Variants in RABL3 observed in about 807,000 individuals in gnomAD.
RABL3 encodes the protein rab-like protein 3.
A neutral mutation model predicts 31.8 loss-of-function variants in RABL3; 31 were observed. That is an observed-to-expected ratio of 0.97 (90% confidence interval 0.73 to 1.31). RABL3 has a LOEUF of 1.31. Among genes scored for constraint, RABL3 ranks in the 40% most tolerant of loss-of-function variants. RABL3 has a pLI of 0.00. For missense variants in RABL3, 263 were observed against 279.6 expected, an observed-to-expected ratio of 0.94 and a Z score of 0.42; for synonymous variants, 97 against 99.9, an observed-to-expected ratio of 0.97 and a Z score of 0.18.
At chr3:120,704,647 A>C (rs894343181) in intron 4 of RABL3, among the ~76,000 whole-genome samples, 3 of 152,238 alleles carry the variant, frequency 2.0e-5, no homozygotes, top group Admixed American at 1.3e-4. Flanking sequence ...AGAGCATCCT[A>C]AGGATTGTAC....
At chr3:120,705,051 AC>A (rs1274430952) in intron 4 of RABL3, among the ~76,000 whole-genome samples, 2 of 152,342 alleles carry the variant, frequency 1.3e-5, no homozygotes, top group Admixed American at 6.5e-5. Flanking sequence ...AAACAAAAAA[AC>A]AATTTACAAT....
At chr3:120,732,549 T>C (rs555066169) in intron 1 of RABL3, among the ~76,000 whole-genome samples, 1 of 152,010 alleles carries the variant, frequency 6.6e-6, no homozygotes, top group South Asian at 2.1e-4. Context: ...ATATGTTTTA[T>C]TTTATTTATT....
chr3:120,688,921 ATTG>A lies in RABL3; in HGVS notation c.*899_*901del, dbSNP rs1708347626. Reference sequence around the variant, plus strand: ...TATTTTTACTTCTCTCCATAAATACATTGTTGACACAGAATAATATTCTTAGTT... The same window carrying A: ...TATTTTTACTTCTCTCCATAAATACATTGACACAGAATAATATTCTTAGTT... On this transcript the variant is annotated 3_prime_UTR_variant, in exon 8 of 8. Coordinates refer to ENST00000273375, the MANE Select transcript of RABL3 (RefSeq NM_173825.5). The A allele has an allele frequency of 6.6e-6, 1 of 152,154 alleles. No individual in the cohort carries two copies. The highest frequency in any genetic ancestry group is 1.5e-5 in the Non-Finnish European group (1 of 68,030). 9.4% of individuals were successfully genotyped at this position (152,154 alleles called of 1,614,324 possible).
intron 1 of RABL3, among the ~76,000 whole-genome samples, 170 bp from the exon 2 acceptor site, chr3:120,730,957 G>A (rs1316294696): frequency 1.3e-5 from 2 of 152,198 alleles, no homozygotes; most frequent in Admixed American, 6.5e-5. Flanking sequence ...AGAGGGCAGC[G>A]GTTCTCTCAA....
intron 2 of RABL3, among the ~76,000 whole-genome samples, chr3:120,728,979 A>G (rs1708853161): frequency 6.6e-6 from 1 of 152,220 alleles, no homozygotes; most frequent in South Asian, 2.1e-4. Context: ...CCCATTCAGG[A>G]ATAGCAGACC....
chr3:120,690,333 G>A (rs561574435), intron 7 of RABL3, 116 bp downstream of exon 7: 2 of 699,218 alleles, frequency 2.9e-6, no homozygotes, highest in East Asian at 2.6e-5. Flanking sequence ...AAGGAAATCA[G>A]TTGCTTGTGC....
At chr3:120,713,739 T>G (rs936923081) in intron 2 of RABL3, among the ~76,000 whole-genome samples, 4 of 152,116 alleles carry the variant, frequency 2.6e-5, no homozygotes, top group Non-Finnish European at 4.4e-5. Flanking sequence ...GACTTTTTCT[T>G]GAAAACAAAA....
At chr3:120,694,759 A>G (rs1708417516) in intron 5 of RABL3, among the ~76,000 whole-genome samples, 1 of 152,142 alleles carries the variant, frequency 6.6e-6, no homozygotes, top group African/African-American at 2.4e-5. Flanking sequence ...ATCTTTTGGT[A>G]GGCCACAAAG....
At chr3:120,726,115 C>T (rs1034565791) in intron 2 of RABL3, among the ~76,000 whole-genome samples, 2 of 152,098 alleles carry the variant, frequency 1.3e-5, no homozygotes, top group African/African-American at 2.4e-5. Context: ...CATGTCTGGC[C>T]TACTCAACAC....
intron 1 of RABL3, among the ~76,000 whole-genome samples, chr3:120,735,655 CT>C (rs1186660851): frequency 2.6e-5 from 4 of 152,114 alleles, no homozygotes; most frequent in Non-Finnish European, 4.4e-5. Flanking sequence ...AGTTTTAGAT[CT>C]TTCCTGCTTT....
chr3:120,711,278 CAA>C (rs1445293564), intron 2 of RABL3, among the ~76,000 whole-genome samples: 2 of 152,062 alleles, frequency 1.3e-5, no homozygotes, highest in Non-Finnish European at 2.9e-5. Flanking sequence ...TTACTTGGGC[CAA>C]AAACTTAAGA....
At chr3:120,694,032 G>A in intron 6 of RABL3, 121 bp downstream of exon 6, 1 of 606,048 alleles carries the variant, frequency 1.7e-6, no homozygotes, top group Middle Eastern at 4.6e-4. Flanking sequence ...ATCAAAACAA[G>A]GATTATTCCA....
chr3:120,742,492 G>A lies in RABL3; in HGVS notation c.16C>T (p.Arg6Trp), dbSNP rs376736040. MASLD[R>W]VKVLVLGDSG... ...TCTCCCAACACCAGTACCTTCACCC[G>A]ATCCAGGGACGCCATCTTGCCACTG... Residue 6 changes from arginine to tryptophan, a missense_variant, in exon 1 of 8, where the codon CGG becomes TGG. Transcript: ENST00000273375. 1.9e-6 allele frequency: 3 copies of A among 1,614,176 alleles called. No individual in the cohort carries two copies. The highest frequency in any genetic ancestry group is 2.5e-6 in the Non-Finnish European group (3 of 1,180,038).
intron 1 of RABL3, among the ~76,000 whole-genome samples, chr3:120,733,881 T>C (rs2107596864): frequency 6.6e-6 from 1 of 151,066 alleles, no homozygotes. Flanking sequence ...TGTAGATGTG[T>C]AGGGCTCTGT....
intron 1 of RABL3, among the ~76,000 whole-genome samples, chr3:120,741,868 T>C (rs1709047386): frequency 6.6e-6 from 1 of 152,214 alleles, no homozygotes; most frequent in African/African-American, 2.4e-5. Flanking sequence ...CTACCCAATA[T>C]GTCACTGCAT....
chr3:120,737,272 T>C (rs1253730656), intron 1 of RABL3, among the ~76,000 whole-genome samples: 1 of 152,228 alleles, frequency 6.6e-6, no homozygotes, highest in African/African-American at 2.4e-5. Context: ...ATTTCATACA[T>C]TTGATCTTCC....
chr3:120,692,058 C>G (rs1708385751), intron 6 of RABL3, among the ~76,000 whole-genome samples: 1 of 152,202 alleles, frequency 6.6e-6, no homozygotes, highest in Admixed American at 6.5e-5. Flanking sequence ...TTAAAACAAT[C>G]CCACAAAAAC....
rs1420273420 is a variant in RABL3, at chr3:120,694,241, A to G, written c.535-17T>C. 3 of 1,578,494 alleles carry G rather than the reference A, an allele frequency of 1.9e-6. No homozygotes were observed. Among genetic ancestry groups the G allele is most frequent in the Non-Finnish European group, 2.6e-6 (3 of 1,152,952 alleles). On this transcript the variant is annotated splice_polypyrimidine_tract_variant and intron_variant, in intron 5 of 7. Coordinates refer to ENST00000273375, the MANE Select transcript of RABL3 (RefSeq NM_173825.5). ...TGTGCAGTCCTAGAAGATAAAACAT[A>G]AGATCCACAATTGAAAGTTAGGAAA... is the stretch of plus-strand genomic sequence containing the variant.
At chr3:120,727,053 G>T (rs1462392334) in intron 2 of RABL3, among the ~76,000 whole-genome samples, 1 of 151,968 alleles carries the variant, frequency 6.6e-6, no homozygotes, top group Non-Finnish European at 1.5e-5. Context: ...AGAAATTTTA[G>T]AGTCTTAGAG....
Sources: allele counts gnomAD v4.1 joint callset (sites outside exome capture counted in the v4.1 genomes callset), GRCh38; gene constraint gnomAD v4.1.1; transcripts MANE v1.5; gene names NCBI Gene and HGNC (gene_info 2026-07-23, HGNC 2026-07-21).